The following UBR4 variants were observed in gnomAD, a reference collection of about 807,000 sequenced individuals.
UBR4 encodes ubiquitin protein ligase E3 component n-recognin 4.
A neutral mutation model predicts 575.6 loss-of-function variants in UBR4; 124 were observed. The observed-to-expected ratio is 0.22, with a 90% confidence interval of 0.19 to 0.25. UBR4 has a LOEUF of 0.25. Among genes scored for constraint, UBR4 ranks in the 10% least tolerant of loss-of-function variants. The probability of loss-of-function intolerance (pLI) is 1.00; values close to 1 mark genes in which losing one functional copy is unlikely to be tolerated. For missense variants in UBR4, 4,818 were observed against 6,478.8 expected (o/e 0.74, Z 8.80); for synonymous variants, 2,455 against 2,473.7 (o/e 0.99, Z 0.22).
chr1:19,153,737 AAAGT>A lies in UBR4; in HGVS notation c.6630+27_6630+30del. ...CATAAAAAGAGACCAGGTTCACAGCAAAGTAATGAATGGGAAAATCTGGCACTGA... is the reference window on the plus strand; with the variant it reads ...CATAAAAAGAGACCAGGTTCACAGCAAATGAATGGGAAAATCTGGCACTGA... On this transcript the variant is annotated intron_variant, in intron 45 of 105. Coordinates refer to ENST00000375254, the MANE Select transcript of UBR4 (RefSeq NM_020765.3). The surrounding 1 kb of genome is among the most constrained non-coding windows in gnomAD (Gnocchi z 4.1). The A allele has an allele frequency of 6.2e-7, 1 of 1,602,786 alleles. No individual in the cohort carries two copies. Among genetic ancestry groups the A allele is most frequent in the Non-Finnish European group, 8.5e-7 (1 of 1,174,800 alleles).
chr1:19,126,414 C>G (rs183938472), intron 64 of UBR4, 32 bp downstream of exon 64: 3 of 1,612,430 alleles, frequency 1.9e-6, no homozygotes, highest in Non-Finnish European at 2.5e-6. Flanking sequence ...GAACAAAGGA[C>G]GAGTGTTTCT....
At chr1:19,150,437 G>T in intron 49 of UBR4, 140 bp downstream of exon 49, 1 of 871,406 alleles carries the variant, frequency 1.1e-6, no homozygotes, top group South Asian at 1.7e-5. Flanking sequence ...ACTGAATGTG[G>T]GCGAGTTGTA....
intron 38 of UBR4, 35 bp downstream of exon 38, chr1:19,160,882 C>CT (rs1229480036): frequency 6.2e-7 from 1 of 1,604,186 alleles, no homozygotes; most frequent in South Asian, 1.1e-5. Context: ...GCTCTGAACT[C>CT]TGTCTGCTTA....
intron 43 of UBR4, 93 bp downstream of exon 43, chr1:19,155,348 G>A: frequency 7.4e-7 from 1 of 1,345,488 alleles, no homozygotes; most frequent in South Asian, 1.4e-5. Flanking sequence ...GAAGTCCACA[G>A]AAAAATGTTA....
chr1:19,151,458 G>C (rs748991100), intron 48 of UBR4, 185 bp downstream of exon 48: 1 of 669,454 alleles, frequency 1.5e-6, no homozygotes, highest in Non-Finnish European at 2.7e-6. Flanking sequence ...ACCATGCTCC[G>C]GTGTACTCCT....
At chr1:19,136,685 T>C (rs915186048) in intron 60 of UBR4, among the ~76,000 whole-genome samples, 1 of 152,122 alleles carries the variant, frequency 6.6e-6, no homozygotes, top group Non-Finnish European at 1.5e-5. Context: ...CTCAACTATA[T>C]CAAATAGAAG....
In UBR4 at chr1:19,113,831, C is replaced by A; in HGVS notation, c.11329-4G>T. The A allele has an allele frequency of 6.2e-7, 1 of 1,614,190 alleles. No homozygotes were observed. Among genetic ancestry groups the A allele is most frequent in the African/African-American group, 1.3e-5 (1 of 75,068 alleles). On this transcript the variant is annotated splice_region_variant and splice_polypyrimidine_tract_variant and intron_variant, in intron 76 of 105. Coordinates refer to ENST00000375254, the MANE Select transcript of UBR4 (RefSeq NM_020765.3). ...CCCCTGCTGTTCCTGAGTCATCCTGCAACCCCAAGAGGTAAGCTGTCAGGC... is the reference window on the plus strand; with the variant it reads ...CCCCTGCTGTTCCTGAGTCATCCTGAAACCCCAAGAGGTAAGCTGTCAGGC...
chr1:19,150,498 G>A, intron 49 of UBR4, 79 bp downstream of exon 49: 5 of 1,470,316 alleles, frequency 3.4e-6, no homozygotes, highest in Non-Finnish European at 4.7e-6. Flanking sequence ...ATTAGAAGCT[G>A]GCTCTCTCAA....
In UBR4 at chr1:19,185,046, T is replaced by G; in HGVS notation, c.1938+53A>C. ...TTGCATTCAAATTATCTGCTTCTCATACCCCTAGCTCCCCATGTCCACTTC... is the reference window on the plus strand; with the variant it reads ...TTGCATTCAAATTATCTGCTTCTCAGACCCCTAGCTCCCCATGTCCACTTC... On this transcript the variant is annotated intron_variant, in intron 15 of 105. Transcript: ENST00000375254. 1.6e-5 allele frequency: 26 copies of G among 1,602,842 alleles called. 1 individual carries two copies. The South Asian group carries it at 2.8e-4, about 17-fold the overall frequency.
chr1:19,132,605 T>TAAAAAAAAAAAAAAAAA, intron 60 of UBR4, among the ~76,000 whole-genome samples: 2 of 24,132 alleles, frequency 8.3e-5, no homozygotes, highest in Non-Finnish European at 1.5e-4. Context: ...TAAAAAATGG[T>TAAAAAAAAAAAAAAAAA]AAAAAAAAAA....
intron 18 of UBR4, among the ~76,000 whole-genome samples, chr1:19,178,534 G>A (rs940983916): frequency 6.6e-6 from 1 of 152,138 alleles, no homozygotes. Context: ...TCCTACAATG[G>A]GGAACAGAAA....
In UBR4 at chr1:19,151,741, C is replaced by T. The variant is rs1283298027; in HGVS notation, c.7115G>A (p.Gly2372Asp). The change falls in exon 48 of 106, where the codon GGC becomes GAC. Residue 2372 changes from glycine to aspartate, a missense_variant. Physicochemically the swap from Gly to Asp is moderately conservative, Grantham distance 94. This residue lies in a region of UBR4 where 461 missense variants were observed against 606.9 expected (regional missense o/e 0.76). Coordinates refer to ENST00000375254, the MANE Select transcript of UBR4 (RefSeq NM_020765.3). Reference protein sequence around the residue: ...ERAPSYIEIFGRTMQLNLSRS... With the variant: ...ERAPSYIEIFDRTMQLNLSRS... Reference sequence around the variant, plus strand: ...ACTCAGGTTGAGCTGCATAGTTCTGCCGAAGATCTCGATATATGACGGGGC... The same window carrying T: ...ACTCAGGTTGAGCTGCATAGTTCTGTCGAAGATCTCGATATATGACGGGGC... 6.2e-7 allele frequency: 1 copy of T among 1,614,162 alleles called. No homozygotes were observed. Among genetic ancestry groups the T allele is most frequent in the Non-Finnish European group, 8.5e-7 (1 of 1,180,022 alleles).
At chr1:19,084,283 G>A (rs561721080) in intron 102 of UBR4, among the ~76,000 whole-genome samples, 1 of 152,376 alleles carries the variant, frequency 6.6e-6, no homozygotes, top group East Asian at 1.9e-4. Flanking sequence ...CCCATGGTGG[G>A]AGACAGGGCA....
chr1:19,191,992 A>C (rs1422298417), intron 11 of UBR4, among the ~76,000 whole-genome samples, 196 bp downstream of exon 11: 3 of 152,244 alleles, frequency 2.0e-5, no homozygotes, highest in Non-Finnish European at 4.4e-5. Context: ...AGAATCAAAG[A>C]GAATGAGTGA....
At chr1:19,144,944 G>GA in intron 53 of UBR4, 37 bp from the exon 54 acceptor site, 1 of 1,608,838 alleles carries the variant, frequency 6.2e-7, no homozygotes, top group Admixed American at 1.7e-5. Context: ...AAATCTGGAG[G>GA]AAAAAACTCT....
chr1:19,077,710 G>A (rs570565952), intron 104 of UBR4: 1 of 1,340,698 alleles, frequency 7.5e-7, no homozygotes, highest in Non-Finnish European at 9.8e-7. Flanking sequence ...TCCAGCCTGG[G>A]CAACAAGAAC....
At chr1:19,179,636 G>T (rs1401797305) in intron 17 of UBR4, among the ~76,000 whole-genome samples, 1 of 152,116 alleles carries the variant, frequency 6.6e-6, no homozygotes, top group Non-Finnish European at 1.5e-5. Flanking sequence ...ACCCAAAAGG[G>T]GAAGATCCAA....
Position 19,152,618 on chromosome 1 carries a change from G to T in UBR4, c.6833-142C>A. 8.9e-7 allele frequency: 1 copy of T among 1,125,996 alleles called. No individual in the cohort carries two copies. Among genetic ancestry groups the T allele is most frequent in the Non-Finnish European group, 1.3e-6 (1 of 792,852 alleles). The allele number at this position is 1,125,996 out of a possible 1,614,324, so 69.8% of individuals were successfully genotyped here. The stretch of plus-strand genomic sequence containing the variant: ...ATTATAACATTTGCATCGGCATGAT[G>T]CCTACATGTGGTTAGCTCTCCAATG... On this transcript the variant is annotated intron_variant, in intron 46 of 105. Transcript: ENST00000375254. The surrounding 1 kb of genome is among the most constrained non-coding windows in gnomAD (Gnocchi z 4.4).
chr1:19,105,907 C>G, intron 83 of UBR4, 65 bp from the exon 84 acceptor site: 2 of 1,293,114 alleles, frequency 1.5e-6, no homozygotes, highest in Non-Finnish European at 1.0e-6. Flanking sequence ...AGGCCCCCAG[C>G]AGGGCAGTCA....
Sources: allele counts gnomAD v4.1 joint callset (sites outside exome capture counted in the v4.1 genomes callset), GRCh38; gene constraint gnomAD v4.1.1; regional missense constraint gnomAD v4.1.1; non-coding constraint Gnocchi (gnomAD v3.1); transcripts MANE v1.5; gene names NCBI Gene and HGNC (gene_info 2026-07-23, HGNC 2026-07-21).